Variants in RGS6 observed in about 807,000 individuals in gnomAD.
RGS6 encodes regulator of G protein signaling 6, also known as regulator of G-protein signaling 6.
In RGS6, 30 loss-of-function variants were observed where a neutral mutation model predicts 78.5. The ratio of observed to expected loss-of-function variants is 0.38; its 90% confidence interval spans 0.29 to 0.52. The LOEUF (loss-of-function observed/expected upper bound fraction) is 0.52, where lower values mean the gene tolerates loss of function less well. Among genes scored for constraint, RGS6 ranks in the 20% least tolerant of loss-of-function variants. The pLI is 0.85. For missense variants in RGS6, 495 were observed against 609.7 expected (o/e 0.81, Z 1.98); for synonymous variants, 206 against 206.0 (o/e 1.00, Z 0.00).
At chr14:72,325,114 G>A (rs574336928) in intron 2 of RGS6, among the ~76,000 whole-genome samples, 7 of 152,318 alleles carry the variant, frequency 4.6e-5, no homozygotes, top group Admixed American at 4.6e-4. Context: ...CAGTGATGAT[G>A]AGCATTTTTT....
At chr14:71,871,543 C>T in the RGS6 span, among the ~76,000 whole-genome samples, 11 of 152,074 alleles carry the variant, frequency 7.2e-5, no homozygotes, top group Admixed American at 7.2e-4. Flanking sequence ...AAAAAGCTGA[C>T]TCCCTAAATA....
At chr14:72,132,277 TTC>T (rs199711013) in intron 2 of RGS6, among the ~76,000 whole-genome samples, 4 of 150,934 alleles carry the variant, frequency 2.7e-5, no homozygotes, top group Non-Finnish European at 5.9e-5. Flanking sequence ...CTTCTTCTTC[TTC>T]TTTTTTTTTT....
At chr14:72,042,380 C>G (rs781424153) in intron 2 of RGS6, among the ~76,000 whole-genome samples, 7 of 152,054 alleles carry the variant, frequency 4.6e-5, no homozygotes, top group Non-Finnish European at 8.8e-5. Flanking sequence ...CCTCCTGCTT[C>G]GGCCTCACAA....
intron 2 of RGS6, among the ~76,000 whole-genome samples, chr14:72,307,793 A>G (rs955855804): frequency 6.6e-6 from 1 of 152,226 alleles, no homozygotes; most frequent in African/African-American, 2.4e-5. Flanking sequence ...TTGAAAATTC[A>G]TATACTAAAG....
chr14:72,434,842 T>C (rs1787105919), intron 3 of RGS6, among the ~76,000 whole-genome samples: 1 of 152,252 alleles, frequency 6.6e-6, no homozygotes, highest in African/African-American at 2.4e-5. Flanking sequence ...CCAAGTGCTT[T>C]TTAACCAGCA....
the RGS6 span, among the ~76,000 whole-genome samples, chr14:71,922,925 A>G: frequency 6.6e-6 from 1 of 152,194 alleles, no homozygotes; most frequent in Non-Finnish European, 1.5e-5. Flanking sequence ...TCAAAATTCC[A>G]TTTCAGAAAA....
intron 5 of RGS6, 56 bp from the exon 6 acceptor site, chr14:72,459,576 G>T (rs145270129): frequency 1.3e-6 from 2 of 1,573,360 alleles, no homozygotes; most frequent in African/African-American, 1.3e-5. Context: ...CTGGGTGTGG[G>T]AGGGAAGCGC....
chr14:72,487,803 G>T (rs1001405346), intron 12 of RGS6, among the ~76,000 whole-genome samples: 6 of 152,140 alleles, frequency 3.9e-5, no homozygotes, highest in African/African-American at 1.4e-4. Flanking sequence ...CAATACATTT[G>T]TATTGTTTTC....
chr14:72,042,440 T>C (rs1478524464), intron 2 of RGS6, among the ~76,000 whole-genome samples: 2 of 152,124 alleles, frequency 1.3e-5, no homozygotes, highest in African/African-American at 4.8e-5. Flanking sequence ...CTAATACTTT[T>C]CTAATTATGA....
At chr14:72,351,404 G>A (rs993037496) in intron 2 of RGS6, among the ~76,000 whole-genome samples, 3 of 151,998 alleles carry the variant, frequency 2.0e-5, no homozygotes. Flanking sequence ...TCACCAGTAG[G>A]ATGTCAACAG....
At chr14:72,278,594 G>A (rs538946595) in intron 2 of RGS6, among the ~76,000 whole-genome samples, 8 of 152,230 alleles carry the variant, frequency 5.3e-5, no homozygotes, top group East Asian at 3.9e-4. Flanking sequence ...ATATAGCCAC[G>A]TACATACATA....
intron 2 of RGS6, among the ~76,000 whole-genome samples, chr14:72,304,286 G>T (rs1220040986): frequency 6.6e-6 from 1 of 152,158 alleles, no homozygotes; most frequent in Non-Finnish European, 1.5e-5. Context: ...ATATTATTTA[G>T]GGCAGAGGAT....
chr14:72,623,949 A>G, the RGS6 span, among the ~76,000 whole-genome samples: 2 of 152,200 alleles, frequency 1.3e-5, no homozygotes, highest in Non-Finnish European at 2.9e-5. Context: ...ATCAAATACT[A>G]TTAGGATTAT....
intron 2 of RGS6, among the ~76,000 whole-genome samples, chr14:72,185,062 C>T (rs1314942672): frequency 1.3e-5 from 2 of 152,130 alleles, no homozygotes; most frequent in Non-Finnish European, 2.9e-5. Context: ...GGTGTAAATC[C>T]AAGAGTCCAA....
chr14:72,391,370 A>G (rs565727633), intron 3 of RGS6, among the ~76,000 whole-genome samples: 39 of 152,348 alleles, frequency 2.6e-4, no homozygotes, highest in Non-Finnish European at 4.0e-4. Context: ...AAGTCTGTCT[A>G]GTTCATGACA....
At chr14:71,900,765 A>C in the RGS6 span, among the ~76,000 whole-genome samples, 5 of 152,142 alleles carry the variant, frequency 3.3e-5, no homozygotes, top group African/African-American at 1.2e-4. Flanking sequence ...GGTAATTTAA[A>C]TAGAAAAGAG....
intron 2 of RGS6, among the ~76,000 whole-genome samples, chr14:72,182,468 T>TTC: frequency 6.6e-6 from 1 of 151,472 alleles, no homozygotes; most frequent in South Asian, 2.1e-4. Flanking sequence ...ATAGCTTATA[T>TTC]TTTCTATTAA....
intron 1 of RGS6, among the ~76,000 whole-genome samples, chr14:71,955,532 T>A (rs2092718358): frequency 1.3e-5 from 2 of 152,192 alleles, no homozygotes; most frequent in African/African-American, 2.4e-5. Context: ...ATTTCTTGAT[T>A]ATATGCTAAA....
At chr14:72,166,267 A>AT in intron 2 of RGS6, among the ~76,000 whole-genome samples, 1 of 152,216 alleles carries the variant, frequency 6.6e-6, no homozygotes, top group South Asian at 2.1e-4. Flanking sequence ...TATATGTCTT[A>AT]TTTTTAAAAA....
Sources: allele counts gnomAD v4.1 joint callset (sites outside exome capture counted in the v4.1 genomes callset), GRCh38; gene constraint gnomAD v4.1.1; transcripts MANE v1.5; gene names NCBI Gene and HGNC (gene_info 2026-07-23, HGNC 2026-07-21).